The following NDUFS4 variants were observed in gnomAD, a reference collection of about 807,000 sequenced individuals.
NDUFS4 encodes NADH dehydrogenase [ubiquinone] iron-sulfur protein 4, mitochondrial.
In NDUFS4, 28 loss-of-function variants were observed where a neutral mutation model predicts 24.3. The observed-to-expected ratio is 1.15, with a 90% confidence interval of 0.85 to 1.58. The LOEUF is 1.58. NDUFS4 is among the 40% of genes most tolerant of loss of function. The pLI is 0.00. For missense variants in NDUFS4, 223 were observed against 207.9 expected, an observed-to-expected ratio of 1.07 and a Z score of -0.45; for synonymous variants, 93 against 69.7, an observed-to-expected ratio of 1.34 and a Z score of -1.67.
At chr5:53,565,969 C>G (rs1481003868) in intron 1 of NDUFS4, among the ~76,000 whole-genome samples, 1 of 150,900 alleles carries the variant, frequency 6.6e-6, no homozygotes, top group Non-Finnish European at 1.5e-5. Flanking sequence ...GTCAGGAGTT[C>G]GAGACCAGCC....
chr5:53,604,649 C>A, intron 2 of NDUFS4: 1 of 421,272 alleles, frequency 2.4e-6, no homozygotes, highest in Non-Finnish European at 4.8e-6. Flanking sequence ...CTTCCTGTTG[C>A]CCTTAGAGTA....
At chr5:53,600,253 CCTCCCAAAGTG>C (rs1352148883) in intron 1 of NDUFS4, among the ~76,000 whole-genome samples, 2 of 151,956 alleles carry the variant, frequency 1.3e-5, no homozygotes, top group African/African-American at 4.8e-5. Context: ...CCATCCTCGG[CCTCCCAAAGTG>C]CTGGGATTAC....
intron 1 of NDUFS4, among the ~76,000 whole-genome samples, chr5:53,583,255 AATG>A (rs933949383): frequency 1.3e-5 from 2 of 152,186 alleles, no homozygotes; most frequent in Non-Finnish European, 2.9e-5. Context: ...ATTACCAAAA[AATG>A]ATGACTTTTA....
At chr5:53,596,794 T>A (rs1220747121) in intron 1 of NDUFS4, among the ~76,000 whole-genome samples, 2 of 152,214 alleles carry the variant, frequency 1.3e-5, no homozygotes, top group Non-Finnish European at 2.9e-5. Context: ...ACAAACGTAA[T>A]TAGTTCTAAT....
chr5:53,616,044 A>AT (rs1750827593), intron 2 of NDUFS4, among the ~76,000 whole-genome samples: 1 of 151,922 alleles, frequency 6.6e-6, no homozygotes, highest in African/African-American at 2.4e-5. Context: ...TATCTTAAAC[A>AT]TTCAAATATG....
chr5:53,569,214 A>G (rs1485662638), intron 1 of NDUFS4, among the ~76,000 whole-genome samples: 2 of 152,160 alleles, frequency 1.3e-5, no homozygotes, highest in African/African-American at 2.4e-5. Context: ...TTGCCTTTTA[A>G]GTCTAATAAG....
intron 1 of NDUFS4, among the ~76,000 whole-genome samples, chr5:53,579,921 A>C (rs1480510173): frequency 6.6e-6 from 1 of 152,226 alleles, no homozygotes; most frequent in Non-Finnish European, 1.5e-5. Flanking sequence ...TCTAAAAGCT[A>C]GAAGAAACAA....
chr5:53,621,908 G>A (rs1751049536), intron 2 of NDUFS4, among the ~76,000 whole-genome samples: 2 of 151,880 alleles, frequency 1.3e-5, no homozygotes, highest in South Asian at 4.2e-4. Context: ...CACCGTGTTA[G>A]CCAGGATGGT....
chr5:53,598,986 T>G (rs2112451674), intron 1 of NDUFS4, among the ~76,000 whole-genome samples: 1 of 152,284 alleles, frequency 6.6e-6, no homozygotes, highest in Middle Eastern at 3.4e-3. Context: ...AACAAATAGA[T>G]GGACAAAAAT....
intron 1 of NDUFS4, among the ~76,000 whole-genome samples, chr5:53,568,909 T>G (rs190289234): frequency 6.6e-6 from 1 of 152,324 alleles, no homozygotes; most frequent in African/African-American, 2.4e-5. Flanking sequence ...TATGAAGAGT[T>G]TATTTCTTTG....
chr5:53,586,676 C>G (rs1749768314), intron 1 of NDUFS4, among the ~76,000 whole-genome samples: 1 of 152,138 alleles, frequency 6.6e-6, no homozygotes, highest in African/African-American at 2.4e-5. Context: ...GCGTCCACCA[C>G]CATGCCTGGC....
chr5:53,666,029 TTACTTA>T (rs1752503452), intron 4 of NDUFS4, among the ~76,000 whole-genome samples: 1 of 152,250 alleles, frequency 6.6e-6, no homozygotes, highest in Non-Finnish European at 1.5e-5. Context: ...GTGCAATTCC[TTACTTA>T]TACTTTCTTG....
Position 53,646,277 on chromosome 5 carries a change from T to C in NDUFS4, c.222T>C (p.Thr74=). The C allele has an allele frequency of 6.2e-7, 1 of 1,613,246 alleles. No homozygotes were observed. The highest frequency in any genetic ancestry group is 1.3e-5 in the African/African-American group (1 of 75,000). The change falls in exon 3 of 5, where the codon ACT becomes ACC. Residue 74 remains threonine (T), a synonymous_variant. Coordinates refer to ENST00000296684, the MANE Select transcript of NDUFS4 (RefSeq NM_002495.4). ...LTGVPEEHIK[T]RKVRIFVPAR... is the part of the protein sequence containing the mutation. ...GAGTTCCAGAAGAGCATATAAAAAC[T>C]AGAAAAGTCAGGATCTTTGTTCCTG...
At chr5:53,649,705 C>T (rs1290482444) in intron 3 of NDUFS4, among the ~76,000 whole-genome samples, 1 of 152,100 alleles carries the variant, frequency 6.6e-6, no homozygotes, top group Non-Finnish European at 1.5e-5. Context: ...AGTAGTGAGA[C>T]TGCTAGGTCA....
At chr5:53,669,219 T>C (rs1275686270) in intron 4 of NDUFS4, among the ~76,000 whole-genome samples, 1 of 152,296 alleles carries the variant, frequency 6.6e-6, no homozygotes, top group East Asian at 1.9e-4. Context: ...AAAATACCCT[T>C]TATTCAAACA....
At chr5:53,606,897 A>T (rs866459415) in intron 2 of NDUFS4, among the ~76,000 whole-genome samples, 9 of 152,384 alleles carry the variant, frequency 5.9e-5, no homozygotes, top group East Asian at 5.8e-4. Context: ...ATTCTCCCAT[A>T]TACTTTAAAT....
intron 4 of NDUFS4, among the ~76,000 whole-genome samples, chr5:53,681,507 T>C (rs1740664632): frequency 6.6e-6 from 1 of 152,126 alleles, no homozygotes; most frequent in Admixed American, 6.6e-5. Flanking sequence ...TTAGTAAATT[T>C]TTTGAAATGG....
intron 3 of NDUFS4, among the ~76,000 whole-genome samples, chr5:53,656,982 A>G (rs1369822077): frequency 1.3e-5 from 2 of 152,176 alleles, no homozygotes; most frequent in African/African-American, 4.8e-5. Context: ...CAGTGGATGA[A>G]TGTTGTTACT....
chr5:53,600,264 G>T (rs1219822554), intron 1 of NDUFS4, among the ~76,000 whole-genome samples: 1 of 151,794 alleles, frequency 6.6e-6, no homozygotes, highest in African/African-American at 2.4e-5. Context: ...CTCCCAAAGT[G>T]CTGGGATTAC....
Sources: gnomAD v4.1 joint callset for allele counts (sites outside exome capture counted in the v4.1 genomes callset) on GRCh38, gnomAD v4.1.1 for gene constraint, MANE v1.5 for transcripts, NCBI Gene and HGNC (gene_info 2026-07-23, HGNC 2026-07-21) for gene names.